METTL6: variants seen among roughly 807,000 people sequenced by gnomAD.
METTL6 encodes the protein tRNA N(3)-cytidine methyltransferase METTL6.
A neutral mutation model predicts 26.4 loss-of-function variants in METTL6; 22 were observed. The ratio of observed to expected loss-of-function variants is 0.83; its 90% confidence interval spans 0.59 to 1.19. The LOEUF (loss-of-function observed/expected upper bound fraction) is 1.19, where lower values mean the gene tolerates loss of function less well. METTL6 is among the 50% of genes most tolerant of loss of function. The probability of loss-of-function intolerance (pLI) is 0.00; values close to 1 mark genes in which losing one functional copy is unlikely to be tolerated. For synonymous variants in METTL6, 109 were observed against 116.2 expected (o/e 0.94, Z 0.40); for missense variants, 304 against 324.8 (o/e 0.94, Z 0.49).
intron 6 of METTL6, among the ~76,000 whole-genome samples, chr3:15,386,295 G>T (rs190518385): frequency 6.6e-6 from 1 of 152,304 alleles, no homozygotes; most frequent in Non-Finnish European, 1.5e-5. Context: ...CAGCAGCAAA[G>T]CCACATGGGG....
chr3:15,385,323 C>T (rs2124885185), intron 6 of METTL6, among the ~76,000 whole-genome samples: 1 of 152,198 alleles, frequency 6.6e-6, no homozygotes, highest in South Asian at 2.1e-4. Context: ...GTTGGCCAGG[C>T]GCAGTGGCTC....
At chr3:15,426,251 G>T in intron 2 of METTL6, 36 bp downstream of exon 2, 6 of 1,591,268 alleles carry the variant, frequency 3.8e-6, no homozygotes, top group Non-Finnish European at 5.2e-6. Context: ...CATTTTAAAT[G>T]AAGAACAGCT....
upstream of METTL6, chr3:15,427,597 CCT>C (rs1382354035): frequency 1.7e-6 from 1 of 601,722 alleles, no homozygotes; most frequent in East Asian, 3.0e-5. Context: ...TCCTCAGATT[CCT>C]CTCTCACCCC....
chr3:15,407,401 G>A (rs1345367214), downstream of METTL6, among the ~76,000 whole-genome samples: 1 of 152,150 alleles, frequency 6.6e-6, no homozygotes, highest in Admixed American at 6.5e-5. Context: ...ACTCCTGTGG[G>A]TAGAGACAAC....
At chr3:15,402,855 C>A (rs111659013) in intron 6 of METTL6, among the ~76,000 whole-genome samples, 77 of 151,646 alleles carry the variant, frequency 5.1e-4, no homozygotes, top group African/African-American at 1.5e-3. Flanking sequence ...TGGGGAATTG[C>A]GAATCTTGTG....
At chr3:15,387,463 C>G (rs1258178848) in intron 6 of METTL6, among the ~76,000 whole-genome samples, 1 of 152,210 alleles carries the variant, frequency 6.6e-6, no homozygotes, top group Non-Finnish European at 1.5e-5. Context: ...CCCAGTAGGT[C>G]TCAGCTTTAT....
At chr3:15,406,175 G>A (rs1699778761), downstream of METTL6, among the ~76,000 whole-genome samples, 1 of 151,780 alleles carries the variant, frequency 6.6e-6, no homozygotes, top group Non-Finnish European at 1.5e-5. Context: ...CGTTTCCGGC[G>A]ACTGTTTTCT....
chr3:15,393,341 G>A (rs999913895), intron 6 of METTL6, among the ~76,000 whole-genome samples: 1 of 152,102 alleles, frequency 6.6e-6, no homozygotes, highest in African/African-American at 2.4e-5. Context: ...TTTGCACATC[G>A]ATTTTGTATC....
chr3:15,427,178 G>A (rs1175585557), intron 1 of METTL6, among the ~76,000 whole-genome samples: 1 of 152,174 alleles, frequency 6.6e-6, no homozygotes, highest in Non-Finnish European at 1.5e-5. Flanking sequence ...CCCTCGCACC[G>A]CCATCACCGG....
chr3:15,385,363 C>T (rs535239058), intron 6 of METTL6, among the ~76,000 whole-genome samples: 20 of 152,206 alleles, frequency 1.3e-4, no homozygotes, highest in Middle Eastern at 3.4e-3. Context: ...TTTGGGAGGC[C>T]GAGGTGGGCG....
intron 6 of METTL6, among the ~76,000 whole-genome samples, chr3:15,387,042 C>T (rs1699219374): frequency 6.6e-6 from 1 of 152,182 alleles, no homozygotes; most frequent in Non-Finnish European, 1.5e-5. Flanking sequence ...AGGTGATCCA[C>T]CTGCCTCAGC....
At chr3:15,426,233 C>A (rs2061719086) in intron 2 of METTL6, 54 bp downstream of exon 2, 11 of 1,543,490 alleles carry the variant, frequency 7.1e-6, no homozygotes, top group South Asian at 6.9e-5. Flanking sequence ...GCCATGGCAC[C>A]CTCTTCACAT....
At chr3:15,399,688 T>C (rs965681054) in intron 6 of METTL6, among the ~76,000 whole-genome samples, 2 of 151,658 alleles carry the variant, frequency 1.3e-5, no homozygotes, top group Non-Finnish European at 2.9e-5. Flanking sequence ...AACTAAAGAA[T>C]AAACATTTCC....
At chr3:15,403,044 A>G (rs931791538) in intron 6 of METTL6, among the ~76,000 whole-genome samples, 12 of 152,226 alleles carry the variant, frequency 7.9e-5, no homozygotes, top group Admixed American at 1.3e-4. Flanking sequence ...GAAGCAAGAT[A>G]TAGTCTGTTA....
At chr3:15,390,378 A>G (rs533252630) in intron 6 of METTL6, among the ~76,000 whole-genome samples, 1 of 152,256 alleles carries the variant, frequency 6.6e-6, no homozygotes, top group East Asian at 1.9e-4. Flanking sequence ...CAGTGAGCCA[A>G]GATCATGCCA....
At chr3:15,390,871 TGGCTCTCAGC>T (rs1217571147) in intron 6 of METTL6, among the ~76,000 whole-genome samples, 9 of 148,152 alleles carry the variant, frequency 6.1e-5, no homozygotes, top group African/African-American at 1.0e-4. Context: ...GCGATGAAAG[TGGCTCTCAGC>T]GGCTCTCAGC....
chr3:15,412,218 G>C (rs573481590), intron 5 of METTL6, among the ~76,000 whole-genome samples: 35 of 152,292 alleles, frequency 2.3e-4, no homozygotes, highest in Middle Eastern at 3.4e-3. Flanking sequence ...TTTGTGATCA[G>C]AGTGGAGAAA....
intron 1 of METTL6, 54 bp downstream of exon 1, chr3:15,427,348 T>C (rs577306457): frequency 8.8e-6 from 2 of 226,400 alleles, no homozygotes; most frequent in East Asian, 3.3e-4. Context: ...CGCTCAGGGC[T>C]CACCGTCATC....
At chr3:15,422,726 T>C (rs1307783377) in intron 3 of METTL6, among the ~76,000 whole-genome samples, 1 of 152,226 alleles carries the variant, frequency 6.6e-6, no homozygotes, top group Non-Finnish European at 1.5e-5. Flanking sequence ...ACGAGATACT[T>C]GCAATGTCAC....
Sources: gnomAD v4.1 joint callset for allele counts (sites outside exome capture counted in the v4.1 genomes callset) on GRCh38, gnomAD v4.1.1 for gene constraint, MANE v1.5 for transcripts, NCBI Gene and HGNC (gene_info 2026-07-23, HGNC 2026-07-21) for gene names.